PIK3R4: variants seen among roughly 807,000 people sequenced by gnomAD.
PIK3R4 encodes the protein phosphoinositide 3-kinase regulatory subunit 4.
Under a neutral mutation model 136.5 loss-of-function variants are expected in PIK3R4, and 46 were observed. The ratio of observed to expected loss-of-function variants is 0.34; its 90% confidence interval spans 0.27 to 0.43. The LOEUF is 0.43. Among genes scored for constraint, PIK3R4 ranks in the 20% least tolerant of loss-of-function variants. The pLI is 1.00. For missense variants in PIK3R4, 1,331 were observed against 1,649.5 expected (o/e 0.81, Z 3.35); for synonymous variants, 557 against 566.7 (o/e 0.98, Z 0.24).
chr3:130,687,567 G>A (rs2066496554), intron 14 of PIK3R4, among the ~76,000 whole-genome samples: 1 of 152,064 alleles, frequency 6.6e-6, no homozygotes, highest in Non-Finnish European at 1.5e-5. Context: ...GTGACTTTTT[G>A]TTTCCCTCAG....
At chr3:130,727,425 G>A (rs564513477) in intron 6 of PIK3R4, among the ~76,000 whole-genome samples, 6 of 152,138 alleles carry the variant, frequency 3.9e-5, no homozygotes, top group African/African-American at 7.2e-5. Context: ...GGGTTTCACC[G>A]TGTTAGCCAG....
intron 6 of PIK3R4, 49 bp from the exon 7 acceptor site, chr3:130,723,636 A>G (rs2066716078): frequency 6.7e-7 from 1 of 1,481,974 alleles, no homozygotes; most frequent in African/African-American, 1.4e-5. Flanking sequence ...CTAAAAGTAC[A>G]TATATCATTA....
At position 130,705,607 on chromosome 3, in the gene PIK3R4, C is replaced by T; in HGVS notation, c.2886G>A (p.Lys962=). ...CCCATTCAGCATTTTCCATCATCTG[C>T]TTAGCTATTCTCTCAGCATTGCACT... The part of the protein sequence containing the change: ...REQCNAERIA[K]QMMENAEWES... The change falls in exon 12 of 20, where the codon AAG becomes AAA. Residue 962 remains lysine (K), a synonymous_variant. Coordinates refer to ENST00000356763, the MANE Select transcript of PIK3R4 (RefSeq NM_014602.3). The T allele has an allele frequency of 1.2e-6, 2 of 1,613,938 alleles. No individual in the cohort carries two copies. Among genetic ancestry groups the T allele is most frequent in the Non-Finnish European group, 1.7e-6 (2 of 1,179,844 alleles).
rs183440942 is a variant in PIK3R4 at position 130,681,941 on chromosome 3, C to G, written c.3608-350G>C. 5.9e-5 allele frequency among the ~76,000 whole-genome samples: 9 copies of G among 152,244 alleles called. No homozygotes were observed. In the East Asian group the frequency reaches 1.5e-3, roughly 26 times the overall value. On this transcript the variant is annotated intron_variant, in intron 16 of 19. Transcript: ENST00000356763. ...AAAAAACAAGTCAGTGTGGCAGGAA[C>G]AGACTGAGAATGGGAGATAAGTAGG...
At chr3:130,720,143 CAAG>C (rs941799635) in intron 7 of PIK3R4, among the ~76,000 whole-genome samples, 26 of 152,288 alleles carry the variant, frequency 1.7e-4, no homozygotes, top group African/African-American at 5.8e-4. Context: ...ATACTCAAAA[CAAG>C]AAGAAGCCTG....
At chr3:130,681,620 C>T in intron 16 of PIK3R4, 29 bp from the exon 17 acceptor site, 1 of 1,359,720 alleles carries the variant, frequency 7.4e-7, no homozygotes, top group South Asian at 1.2e-5. Context: ...AGAATCTTGA[C>T]TCAGACAAAA....
chr3:130,681,613 A>C, intron 16 of PIK3R4, 22 bp from the exon 17 acceptor site: 1 of 1,405,240 alleles, frequency 7.1e-7, no homozygotes, highest in South Asian at 1.2e-5. Context: ...AAAGGCCAGA[A>C]TCTTGACTCA....
At chr3:130,695,402 G>A (rs147366385) in intron 13 of PIK3R4, among the ~76,000 whole-genome samples, 6 of 152,186 alleles carry the variant, frequency 3.9e-5, no homozygotes, top group East Asian at 1.9e-4. Context: ...GTGGTCAACC[G>A]CAGTCAGAAA....
chr3:130,701,011 ATCTGAAATGT>A (rs1205274301), intron 13 of PIK3R4, among the ~76,000 whole-genome samples: 13 of 152,168 alleles, frequency 8.5e-5, no homozygotes, highest in African/African-American at 2.9e-4. Context: ...GGGGGATATT[ATCTGAAATGT>A]GATACCAAAA....
In PIK3R4 at chr3:130,744,683, T is replaced by C; in HGVS notation, c.536A>G (p.Asn179Ser). Residue 179 changes from asparagine to serine, a missense_variant, in exon 2 of 20, where the codon AAC becomes AGC. Coordinates refer to ENST00000356763, the MANE Select transcript of PIK3R4 (RefSeq NM_014602.3). ...AAAGAAATAATTGAAATCTGCCGGG[T>C]TGTCTTCTGGAAGATAAGTGGGCTT... ...SFKPTYLPED[N>S]PADFNYFFDT... The C allele has an allele frequency of 6.2e-7, 1 of 1,614,222 alleles. No homozygotes were observed. The highest frequency in any genetic ancestry group is 8.5e-7 in the Non-Finnish European group (1 of 1,180,042).
At chr3:130,719,445 A>T (rs2107613827) in intron 7 of PIK3R4, among the ~76,000 whole-genome samples, 1 of 152,342 alleles carries the variant, frequency 6.6e-6, no homozygotes, top group East Asian at 1.9e-4. Flanking sequence ...TTATATTAAC[A>T]GGGGAAGGAG....
intron 13 of PIK3R4, among the ~76,000 whole-genome samples, chr3:130,699,443 C>A (rs2066564439): frequency 6.6e-6 from 1 of 152,132 alleles, no homozygotes; most frequent in Non-Finnish European, 1.5e-5. Flanking sequence ...TACTAAGGGG[C>A]TAGTTTTCAT....
chr3:130,744,500 T>A lies in PIK3R4; in HGVS notation c.719A>T (p.Asp240Val). ...RTRGELKRAM[D>V]IFSAGCVIAE... Reference sequence around the variant, plus strand: ...CACTCAAATACCTGCTGAAAAGATGTCCATTGCTCTCTTCAACTCTCCTCT... The same window carrying A: ...CACTCAAATACCTGCTGAAAAGATGACCATTGCTCTCTTCAACTCTCCTCT... Residue 240 changes from aspartate (D) to valine (V), a missense_variant, in exon 2 of 20, where the codon GAC becomes GTC. By Grantham distance (152) the Asp-to-Val change is radical. This residue lies in a region of PIK3R4 where 1,180 missense variants were observed against 1,407.0 expected (regional missense o/e 0.84). Transcript: ENST00000356763. The A allele has an allele frequency of 1.2e-6, 2 of 1,609,458 alleles. No individual in the cohort carries two copies. The highest frequency in any genetic ancestry group is 1.7e-6 in the Non-Finnish European group (2 of 1,177,146).
chr3:130,746,086 T>G (rs961103617), intron 1 of PIK3R4, among the ~76,000 whole-genome samples: 3 of 151,836 alleles, frequency 2.0e-5, no homozygotes, highest in African/African-American at 4.8e-5. Context: ...ATCTAAAAAT[T>G]CAGTTAACTC....
intron 11 of PIK3R4, among the ~76,000 whole-genome samples, 157 bp from the exon 12 acceptor site, chr3:130,705,928 T>C (rs1050325680): frequency 2.0e-5 from 3 of 152,144 alleles, no homozygotes; most frequent in African/African-American, 7.2e-5. Context: ...CATTTTTTAG[T>C]GAAAACCCAG....
rs1218456934 is a variant in PIK3R4 at position 130,679,054 on chromosome 3, T to C, written c.*261A>G. 4.5e-6 allele frequency: 1 copy of C among 219,928 alleles called. No individual in the cohort carries two copies. The highest frequency in any genetic ancestry group is 8.8e-6 in the Non-Finnish European group (1 of 113,080). 13.6% of individuals were successfully genotyped at this position (219,928 alleles called of 1,614,324 possible). A position where few individuals can be genotyped will look rare whatever the true frequency, so the allele number is the denominator to read the frequency against. On this transcript the variant is annotated 3_prime_UTR_variant, in exon 20 of 20. Coordinates refer to ENST00000356763, the MANE Select transcript of PIK3R4 (RefSeq NM_014602.3). ...AAAATAAACATATTCATTTTCATATTTTACATTTCTCACCTCTATAACATA... is the reference window on the plus strand; with the variant it reads ...AAAATAAACATATTCATTTTCATATCTTACATTTCTCACCTCTATAACATA...
intron 13 of PIK3R4, among the ~76,000 whole-genome samples, chr3:130,699,505 G>A (rs2066564619): frequency 6.6e-6 from 1 of 152,170 alleles, no homozygotes; most frequent in African/African-American, 2.4e-5. Context: ...AGCTGGTAAA[G>A]GGGGATAAGA....
chr3:130,732,797 A>G (rs1367908996), intron 4 of PIK3R4, among the ~76,000 whole-genome samples: 1 of 151,946 alleles, frequency 6.6e-6, no homozygotes, highest in African/African-American at 2.4e-5. Context: ...TTTCTTTAAA[A>G]AAAAAAAAAG....
intron 9 of PIK3R4, among the ~76,000 whole-genome samples, chr3:130,715,119 G>A (rs1007105648): frequency 1.4e-5 from 2 of 138,184 alleles, no homozygotes; most frequent in South Asian, 2.3e-4. Flanking sequence ...ATTTTTTCCC[G>A]ACTTTTTTTT....
Sources: gnomAD v4.1 joint callset for allele counts (sites outside exome capture counted in the v4.1 genomes callset) on GRCh38, gnomAD v4.1.1 for gene constraint, gnomAD v4.1.1 regional missense constraint, MANE v1.5 for transcripts, NCBI Gene and HGNC (gene_info 2026-07-23, HGNC 2026-07-21) for gene names.